Variants in GUCY1A2 observed in about 807,000 individuals in gnomAD.
GUCY1A2 encodes guanylate cyclase soluble subunit alpha-2.
GUCY1A2 carries 27 observed loss-of-function variants against 63.5 expected under a neutral mutation model. The observed-to-expected ratio is 0.43, with a 90% confidence interval of 0.31 to 0.59. The LOEUF (loss-of-function observed/expected upper bound fraction) is 0.59, where lower values mean the gene tolerates loss of function less well. Ranked by LOEUF, GUCY1A2 falls within the 20% of genes least tolerant of loss-of-function variation. The probability of loss-of-function intolerance (pLI) is 0.11; values close to 1 mark genes in which losing one functional copy is unlikely to be tolerated. For missense variants in GUCY1A2, 768 were observed against 913.3 expected, an observed-to-expected ratio of 0.84 and a Z score of 2.05; for synonymous variants, 364 against 343.5, an observed-to-expected ratio of 1.06 and a Z score of -0.66.
rs778566490 is a variant in GUCY1A2 at position 106,714,024 on chromosome 11, TA to T, written c.1837-5359del. On this transcript the variant is annotated intron_variant, in intron 6 of 7. Transcript: ENST00000526355. ...CACTCTTTTTTTCTTTTCTTTCTGT[TA>T]AAAAAAAAAAACAAACTCCATACTC... Among the ~76,000 whole-genome samples, 910 of 142,962 alleles carry T rather than the reference TA, an allele frequency of 6.4e-3. 11 individuals are homozygous for T. Among genetic ancestry groups the T allele is most frequent in the African/African-American group, 0.021 (812 of 38,722 alleles). The allele number at this position is 142,962 out of a possible 152,430, so 93.8% of individuals were successfully genotyped here. A position where few individuals can be genotyped will look rare whatever the true frequency, so the allele number is the denominator to read the frequency against.
At chr11:106,861,216 C>CGG (rs1859507267) in intron 4 of GUCY1A2, among the ~76,000 whole-genome samples, 1 of 151,960 alleles carries the variant, frequency 6.6e-6, no homozygotes, top group Non-Finnish European at 1.5e-5. Context: ...TATAAACATA[C>CGG]TCTTAGAGCT....
intron 5 of GUCY1A2, among the ~76,000 whole-genome samples, 198 bp downstream of exon 5, chr11:106,809,793 TCA>T (rs113305021): frequency 0.23 from 34,826 of 151,920 alleles, 4,123 homozygotes; most frequent in Middle Eastern, 0.29. Context: ...TCATGATTCT[TCA>T]CAGTTATCTA....
At chr11:106,740,996 T>G (rs1863685568) in intron 6 of GUCY1A2, among the ~76,000 whole-genome samples, 1 of 152,168 alleles carries the variant, frequency 6.6e-6, no homozygotes, top group Non-Finnish European at 1.5e-5. Context: ...TTATAGTTAG[T>G]CTAGCTGCAC....
chr11:106,837,791 T>C (rs1222298881), intron 4 of GUCY1A2, among the ~76,000 whole-genome samples: 1 of 152,008 alleles, frequency 6.6e-6, no homozygotes, highest in Non-Finnish European at 1.5e-5. Context: ...GTCACCACTG[T>C]ATTGCAACTG....
intron 4 of GUCY1A2, among the ~76,000 whole-genome samples, chr11:106,893,840 TGA>T (rs1218163690): frequency 1.3e-5 from 2 of 151,968 alleles, no homozygotes; most frequent in Non-Finnish European, 2.9e-5. Context: ...TCGACAAGTC[TGA>T]GAGACTAAAA....
Position 106,810,038 on chromosome 11 carries a change from C to T in GUCY1A2, c.1647G>A (p.Leu549=). The change falls in exon 5 of 8, where the codon CTG becomes CTA. Residue 549 remains leucine, a synonymous_variant. Coordinates refer to ENST00000526355, the MANE Select transcript of GUCY1A2 (RefSeq NM_000855.3). The part of the protein sequence containing the change: ...PMQVISMLNE[L]YTRFDHQCGF... ...CACACTGGTGGTCAAATCTGGTGTA[C>T]AGTTCATTCAGCATGCTGATTACTT... The T allele has an allele frequency of 6.2e-7, 1 of 1,611,506 alleles. No individual in the cohort carries two copies. Among genetic ancestry groups the T allele is most frequent in the Non-Finnish European group, 8.5e-7 (1 of 1,177,724 alleles).
At chr11:106,782,722 G>A (rs947098169) in intron 5 of GUCY1A2, among the ~76,000 whole-genome samples, 1 of 151,896 alleles carries the variant, frequency 6.6e-6, no homozygotes, top group Non-Finnish European at 1.5e-5. Flanking sequence ...GGTCAATGGC[G>A]GTCTGCACAA....
rs1861851558 is a variant in GUCY1A2, at chr11:107,017,996, C to T, written c.60G>A (p.Glu20=). 2.0e-6 allele frequency: 3 copies of T among 1,465,522 alleles called. No individual in the cohort carries two copies. Among genetic ancestry groups the T allele is most frequent in the Admixed American group, 2.1e-5 (1 of 48,228 alleles). The allele number at this position is 1,465,522 out of a possible 1,614,324, so 90.8% of individuals were successfully genotyped here. A position where few individuals can be genotyped will look rare whatever the true frequency, so the allele number is the denominator to read the frequency against. ...SFSSLGSDYL[E]TSPEEEGECP... ...ACTCCCCCTCCTCCTCCGGGCTGGT[C>T]TCCAGGTAGTCGGAGCCCAGGGAGC... Residue 20 remains glutamate (E), a synonymous_variant, in exon 1 of 8, where the codon GAG becomes GAA. Coordinates refer to ENST00000526355, the MANE Select transcript of GUCY1A2 (RefSeq NM_000855.3).
chr11:107,002,087 A>G (rs1248807051), intron 1 of GUCY1A2, among the ~76,000 whole-genome samples: 1 of 152,086 alleles, frequency 6.6e-6, no homozygotes, highest in Non-Finnish European at 1.5e-5. Context: ...ATTTTGCAGT[A>G]CATAAAATAG....
At chr11:106,884,704 A>G (rs1395125528) in intron 4 of GUCY1A2, among the ~76,000 whole-genome samples, 1 of 152,184 alleles carries the variant, frequency 6.6e-6, no homozygotes, top group Non-Finnish European at 1.5e-5. Context: ...TGATGGACTG[A>G]AAAATGTCCC....
At position 106,882,043 on chromosome 11, in the gene GUCY1A2, C is replaced by T. The variant is rs534827458; in HGVS notation, c.1206+57417G>A. Among the ~76,000 whole-genome samples the T allele has an allele frequency of 9.2e-5, 14 of 151,936 alleles. No individual in the cohort carries two copies. The South Asian group carries it at 2.3e-3, about 25-fold the overall frequency. ...TTCTCCACTGGAAATTTTCAAAAAG[C>T]GCTCTCATTCTCTTTCTTTTCTTTT... On this transcript the variant is annotated intron_variant, in intron 4 of 7. Transcript: ENST00000526355.
intron 4 of GUCY1A2, among the ~76,000 whole-genome samples, chr11:106,915,311 A>C (rs1037120219): frequency 1.3e-5 from 2 of 152,130 alleles, no homozygotes; most frequent in African/African-American, 4.8e-5. Context: ...TGGATAAGTG[A>C]CAAGAATGGC....
chr11:106,899,678 C>A (rs565449886), intron 4 of GUCY1A2, among the ~76,000 whole-genome samples: 10 of 152,098 alleles, frequency 6.6e-5, no homozygotes, highest in South Asian at 4.1e-4. Context: ...CCAAGAAATT[C>A]TTTTGATAAT....
rs931388837 is a variant in GUCY1A2 at position 106,994,399 on chromosome 11, A to G, written c.304-8268T>C. Among the ~76,000 whole-genome samples, 6 of 152,212 alleles carry G rather than the reference A, an allele frequency of 3.9e-5. No individual in the cohort carries two copies. The East Asian group carries it at 1.2e-3, about 29-fold the overall frequency. ...ATACCATCAATACTAATTTGAGCTG[A>G]AAACATACACTCCCTGAAGTATGAG... On this transcript the variant is annotated intron_variant, in intron 1 of 7. Coordinates refer to ENST00000526355, the MANE Select transcript of GUCY1A2 (RefSeq NM_000855.3).
In GUCY1A2 at chr11:106,970,306, G is replaced by A. The variant is rs916505651; in HGVS notation, c.487+8313C>T. Among the ~76,000 whole-genome samples the A allele has an allele frequency of 6.6e-5, 10 of 152,172 alleles. No homozygotes were observed. The East Asian group carries it at 7.7e-4, about 12-fold the overall frequency. ...TAAATGCTGAATAACTTCATTCCAGGAACTTATTGTTACTAAGCAAAAGAG... is the reference window on the plus strand; with the variant it reads ...TAAATGCTGAATAACTTCATTCCAGAAACTTATTGTTACTAAGCAAAAGAG... On this transcript the variant is annotated intron_variant, in intron 3 of 7. Transcript: ENST00000526355.
chr11:106,951,936 GT>G (rs1279677816), intron 3 of GUCY1A2, among the ~76,000 whole-genome samples: 1 of 152,148 alleles, frequency 6.6e-6, no homozygotes, highest in African/African-American at 2.4e-5. Context: ...AAGGGGTCTA[GT>G]TTTACTTTTC....
chr11:106,929,914 T>A (rs1860578695), intron 4 of GUCY1A2, among the ~76,000 whole-genome samples: 1 of 152,182 alleles, frequency 6.6e-6, no homozygotes, highest in South Asian at 2.1e-4. Context: ...AACATTTTCA[T>A]GGAAGACACT....
Position 106,841,760 on chromosome 11 carries a change from A to C in GUCY1A2, c.1207-31282T>G, listed in dbSNP as rs111932513. 3.3e-5 allele frequency among the ~76,000 whole-genome samples: 5 copies of C among 152,092 alleles called. 1 individual carries two copies. Among genetic ancestry groups the C allele is most frequent in the African/African-American group, 1.2e-4 (5 of 41,548 alleles). On this transcript the variant is annotated intron_variant, in intron 4 of 7. Transcript: ENST00000526355. ...TTTCTGCTACATCTCACTATGTCTT[A>C]GAAATTCCCCCTTGTGCTTAATATA... is the stretch of plus-strand genomic sequence containing the variant.
chr11:106,957,893 A>G (rs540215467), intron 3 of GUCY1A2, among the ~76,000 whole-genome samples: 7 of 94,932 alleles, frequency 7.4e-5, no homozygotes, highest in South Asian at 7.4e-4. Context: ...TTTTTTTCAG[A>G]AAAAAAAGGT....
Sources: allele counts gnomAD v4.1 joint callset (sites outside exome capture counted in the v4.1 genomes callset), GRCh38; gene constraint gnomAD v4.1.1; transcripts MANE v1.5; gene names NCBI Gene and HGNC (gene_info 2026-07-23, HGNC 2026-07-21).